Variants in KREMEN1 observed in about 807,000 individuals in gnomAD.
KREMEN1 encodes the protein kremen protein 1.
KREMEN1 carries 30 observed loss-of-function variants against 46.5 expected under a neutral mutation model. The ratio of observed to expected loss-of-function variants is 0.65; its 90% CI spans 0.48 to 0.88. The LOEUF is 0.88. Among genes scored for constraint, KREMEN1 ranks in the 40% least tolerant of loss-of-function variants. The probability of loss-of-function intolerance (pLI) is 0.00; values close to 1 mark genes in which losing one functional copy is unlikely to be tolerated. For missense variants in KREMEN1, 533 were observed against 596.9 expected, an observed-to-expected ratio of 0.89 and a Z score of 1.11; for synonymous variants, 214 against 230.6, an observed-to-expected ratio of 0.93 and a Z score of 0.65.
chr22:29,101,883 G>T (rs142882552), intron 3 of KREMEN1, among the ~76,000 whole-genome samples: 31 of 152,322 alleles, frequency 2.0e-4, no homozygotes, highest in African/African-American at 6.7e-4. Flanking sequence ...TTGCCTAAGA[G>T]ATACATGACT....
At chr22:29,163,021 T>A (rs2039024331) in intron 9 of KREMEN1, among the ~76,000 whole-genome samples, 1 of 152,052 alleles carries the variant, frequency 6.6e-6, no homozygotes, top group South Asian at 2.1e-4. Flanking sequence ...GGTACTGATA[T>A]GGTTTGGCTC....
At position 29,131,651 on chromosome 22, in the gene KREMEN1, T is replaced by TGTATATATATAC. The variant is rs2038549591; in HGVS notation, c.632-5691_632-5690insGTATATATATAC. ...ATATGTATATATATGTGTGTATATA[T>TGTATATATATAC]ATGTATATATATACATGTATATATA... On this transcript the variant is annotated intron_variant, in intron 5 of 8. Coordinates refer to ENST00000400335, the MANE Select transcript of KREMEN1 (RefSeq NM_001039570.3). Among the ~76,000 whole-genome samples the TGTATATATATAC allele has an allele frequency of 4.0e-5, 5 of 125,294 alleles. No individual in the cohort carries two copies. The East Asian group carries it at 1.2e-3, about 30-fold the overall frequency. 82.2% of individuals were successfully genotyped at this position (125,294 alleles called of 152,430 possible). A position where few individuals can be genotyped will look rare whatever the true frequency, so the allele number is the denominator to read the frequency against.
At position 29,146,078 on chromosome 22, in the gene KREMEN1, A is replaced by G. The variant is rs2038855285; in HGVS notation, c.*3966A>G. 1 of 985,754 alleles carries G rather than the reference A, an allele frequency of 1.0e-6. No homozygotes were observed. Among genetic ancestry groups the G allele is most frequent in the Non-Finnish European group, 1.2e-6 (1 of 829,984 alleles). 61.1% of individuals were successfully genotyped at this position (985,754 alleles called of 1,614,324 possible). ...CCTGCCTCCCTGGTCTGCTGAGGTCAGGCCAGGTCTCCCACGGAGCCGGGC... is the reference window on the plus strand; with the variant it reads ...CCTGCCTCCCTGGTCTGCTGAGGTCGGGCCAGGTCTCCCACGGAGCCGGGC... On this transcript the variant is annotated 3_prime_UTR_variant, in exon 9 of 9. Transcript: ENST00000400335.
rs16987081 is a variant in KREMEN1, at chr22:29,103,041, G to A, written c.352+4088G>A. On this transcript the variant is annotated intron_variant, in intron 3 of 8. Coordinates refer to ENST00000400335, the MANE Select transcript of KREMEN1 (RefSeq NM_001039570.3). ...ATAGTTGAGCAAAACCTGTTTTACA[G>A]TTTGTAGCAAGAGATGTTTGTAATT... Among the ~76,000 whole-genome samples the A allele has an allele frequency of 3.4e-3, 513 of 152,292 alleles. 7 individuals are homozygous for A. In the East Asian group the frequency reaches 0.036, roughly 11 times the overall value.
chr22:29,139,359 T>G (rs761302600), intron 7 of KREMEN1, among the ~76,000 whole-genome samples: 1 of 152,146 alleles, frequency 6.6e-6, no homozygotes, highest in Non-Finnish European at 1.5e-5. Flanking sequence ...CCCAGCACTT[T>G]GGGAGGCCGA....
intron 5 of KREMEN1, among the ~76,000 whole-genome samples, chr22:29,126,428 G>A (rs2038443654): frequency 1.3e-5 from 2 of 152,134 alleles, no homozygotes; most frequent in African/African-American, 2.4e-5. Flanking sequence ...GGTTGTCGGC[G>A]ATCCTTGGCA....
At chr22:29,166,335 T>G (rs1179999168) in intron 9 of KREMEN1, among the ~76,000 whole-genome samples, 2 of 152,058 alleles carry the variant, frequency 1.3e-5, no homozygotes, top group African/African-American at 2.4e-5. Context: ...TGTCTGCTCG[T>G]GTGGAGCCTG....
At chr22:29,166,386 C>A (rs1395931678) in intron 9 of KREMEN1, among the ~76,000 whole-genome samples, 1 of 152,178 alleles carries the variant, frequency 6.6e-6, no homozygotes, top group Non-Finnish European at 1.5e-5. Context: ...CCGGGGGTCA[C>A]TTCTGCTCCT....
intron 2 of KREMEN1, among the ~76,000 whole-genome samples, chr22:29,098,242 G>A (rs1264963182): frequency 6.6e-6 from 1 of 151,534 alleles, no homozygotes; most frequent in Non-Finnish European, 1.5e-5. Context: ...AATAAGACTG[G>A]TCTCTATACC....
chr22:29,078,747 T>A (rs2037610949), intron 1 of KREMEN1, among the ~76,000 whole-genome samples: 1 of 152,182 alleles, frequency 6.6e-6, no homozygotes, highest in Non-Finnish European at 1.5e-5. Context: ...GGATCTGTAG[T>A]TTTGCCTTGA....
At chr22:29,153,636 G>A (rs2038935531) in intron 9 of KREMEN1, among the ~76,000 whole-genome samples, 1 of 152,068 alleles carries the variant, frequency 6.6e-6, no homozygotes, top group Non-Finnish European at 1.5e-5. Flanking sequence ...TGAGATTACA[G>A]GCACCAGCCA....
chr22:29,075,574 G>A (rs1448937109), intron 1 of KREMEN1, among the ~76,000 whole-genome samples: 2 of 152,084 alleles, frequency 1.3e-5, no homozygotes, highest in East Asian at 3.9e-4. Flanking sequence ...TGATAACTCA[G>A]TGCTTTGCTT....
intron 6 of KREMEN1, among the ~76,000 whole-genome samples, chr22:29,138,341 C>T (rs1257086795): frequency 2.6e-5 from 4 of 152,198 alleles, no homozygotes; most frequent in African/African-American, 7.2e-5. Flanking sequence ...GCATAGGGAG[C>T]CATAGCTGCC....
intron 9 of KREMEN1, among the ~76,000 whole-genome samples, chr22:29,164,233 A>G (rs1446063742): frequency 6.6e-6 from 1 of 152,250 alleles, no homozygotes; most frequent in Non-Finnish European, 1.5e-5. Flanking sequence ...GCCTTCTTGA[A>G]GTCAAAGAGG....
chr22:29,106,206 T>C (rs566212618), intron 3 of KREMEN1, among the ~76,000 whole-genome samples: 1 of 148,044 alleles, frequency 6.8e-6, no homozygotes, highest in Admixed American at 6.8e-5. Flanking sequence ...AAAGCACTTA[T>C]ATTCACATTA....
chr22:29,109,935 G>A (rs1204170589), intron 3 of KREMEN1, among the ~76,000 whole-genome samples: 1 of 152,004 alleles, frequency 6.6e-6, no homozygotes, highest in East Asian at 1.9e-4. Flanking sequence ...GGATATTTGT[G>A]GTGTCCCTGA....
At chr22:29,131,795 G>A (rs1350885309) in intron 5 of KREMEN1, among the ~76,000 whole-genome samples, 1 of 136,628 alleles carries the variant, frequency 7.3e-6, no homozygotes, top group Non-Finnish European at 1.5e-5. Context: ...TTTGTGTTTT[G>A]CAGAATATTA....
chr22:29,140,676 C>T (rs2038747917), intron 8 of KREMEN1, among the ~76,000 whole-genome samples: 1 of 152,230 alleles, frequency 6.6e-6, no homozygotes, highest in African/African-American at 2.4e-5. Flanking sequence ...TTATGCAAGA[C>T]TGAAGATAGC....
rs1246683996 is a variant in KREMEN1 at position 29,131,630 on chromosome 22, GTA to G, written c.632-5704_632-5703del. Among the ~76,000 whole-genome samples, 58 of 124,184 alleles carry G rather than the reference GTA, an allele frequency of 4.7e-4. 2 individuals carry two copies. The highest frequency in any genetic ancestry group is 9.9e-4 in the South Asian group (4 of 4,052). 81.5% of individuals were successfully genotyped at this position (124,184 alleles called of 152,430 possible). A position where few individuals can be genotyped will look rare whatever the true frequency, so the allele number is the denominator to read the frequency against. ...TATGTGTGTATATATATGTATATAT[GTA>G]TATATATGTGTGTATATATATGTAT... On this transcript the variant is annotated intron_variant, in intron 5 of 8. Transcript: ENST00000400335.
Sources: allele counts gnomAD v4.1 joint callset (sites outside exome capture counted in the v4.1 genomes callset), GRCh38; gene constraint gnomAD v4.1.1; transcripts MANE v1.5; gene names NCBI Gene and HGNC (gene_info 2026-07-23, HGNC 2026-07-21).